The following THRB variants were observed in gnomAD, a reference collection of about 807,000 sequenced individuals.
THRB encodes thyroid hormone receptor beta.
Under a neutral mutation model 47.8 loss-of-function variants are expected in THRB, and 12 were observed. The ratio of observed to expected loss-of-function variants is 0.25; its 90% confidence interval spans 0.16 to 0.41. The LOEUF (loss-of-function observed/expected upper bound fraction) is 0.41, where lower values mean the gene tolerates loss of function less well. Among genes scored for constraint, THRB ranks in the 10% least tolerant of loss-of-function variants. The pLI is 1.00. For missense variants in THRB, 348 were observed against 589.2 expected (o/e 0.59, Z 4.24); for synonymous variants, 218 against 212.2 (o/e 1.03, Z -0.24).
At chr3:24,372,298 A>G (rs76231036) in intron 1 of THRB, among the ~76,000 whole-genome samples, 35 of 152,236 alleles carry the variant, frequency 2.3e-4, no homozygotes, top group African/African-American at 8.4e-4. Context: ...ATGTTACCAC[A>G]TGCAGAGTTA....
At chr3:24,478,518 T>C (rs1187197315) in intron 1 of THRB, among the ~76,000 whole-genome samples, 1 of 152,016 alleles carries the variant, frequency 6.6e-6, no homozygotes, top group African/African-American at 2.4e-5. Context: ...AAGTGAAAAG[T>C]GGAATTCTCC....
chr3:24,164,117 T>A (rs1479747078), intron 5 of THRB, among the ~76,000 whole-genome samples: 1 of 152,186 alleles, frequency 6.6e-6, no homozygotes, highest in Non-Finnish European at 1.5e-5. Flanking sequence ...TTCTGGCATA[T>A]CTGCACTAGC....
chr3:24,365,274 T>A (rs2064378586), intron 1 of THRB, among the ~76,000 whole-genome samples: 2 of 152,058 alleles, frequency 1.3e-5, no homozygotes, highest in South Asian at 4.1e-4. Flanking sequence ...CTTGGGAGTG[T>A]GCAGGAACAG....
intron 3 of THRB, among the ~76,000 whole-genome samples, chr3:24,267,738 T>G (rs1175719206): frequency 6.6e-6 from 1 of 152,134 alleles, no homozygotes; most frequent in Non-Finnish European, 1.5e-5. Flanking sequence ...TCTTAGTAAT[T>G]TTCATCCACT....
chr3:24,134,886 CTG>C (rs1325915475), intron 8 of THRB, among the ~76,000 whole-genome samples: 8 of 152,276 alleles, frequency 5.3e-5, no homozygotes, highest in African/African-American at 1.9e-4. Context: ...GGAACTGACA[CTG>C]TGAGTGAGAT....
chr3:24,205,179 G>T (rs2045162543), intron 4 of THRB, among the ~76,000 whole-genome samples: 1 of 152,154 alleles, frequency 6.6e-6, no homozygotes, highest in South Asian at 2.1e-4. Context: ...CTTGAGAAGA[G>T]CAACTCCAAG....
chr3:24,209,585 A>G (rs1357929674), intron 4 of THRB, among the ~76,000 whole-genome samples: 1 of 152,178 alleles, frequency 6.6e-6, no homozygotes, highest in African/African-American at 2.4e-5. Flanking sequence ...ACAAAAAACC[A>G]AACACCCCAT....
At chr3:24,209,009 C>G (rs2045717006) in intron 4 of THRB, among the ~76,000 whole-genome samples, 1 of 152,134 alleles carries the variant, frequency 6.6e-6, no homozygotes, top group Non-Finnish European at 1.5e-5. Context: ...ACAACCCCAT[C>G]AAAAAGTGGT....
At chr3:24,453,250 A>T (rs746101765) in intron 1 of THRB, among the ~76,000 whole-genome samples, 22 of 152,256 alleles carry the variant, frequency 1.4e-4, no homozygotes, top group Non-Finnish European at 2.6e-4. Context: ...CTTGTGATGC[A>T]TATACAGCAT....
intron 1 of THRB, among the ~76,000 whole-genome samples, chr3:24,344,686 G>GATAT (rs56725603): frequency 1.9e-4 from 28 of 149,696 alleles, no homozygotes; most frequent in African/African-American, 4.7e-4. Context: ...AATATGTAGG[G>GATAT]ATATATATAT....
At chr3:24,200,744 A>T (rs767687162) in intron 4 of THRB, among the ~76,000 whole-genome samples, 3 of 152,104 alleles carry the variant, frequency 2.0e-5, no homozygotes, top group Admixed American at 6.5e-5. Flanking sequence ...AATCTGGAAA[A>T]GTTTGGTTTT....
intron 3 of THRB, among the ~76,000 whole-genome samples, chr3:24,286,098 C>A (rs1266262551): frequency 1.3e-5 from 2 of 152,158 alleles, no homozygotes; most frequent in Non-Finnish European, 2.9e-5. Flanking sequence ...CAACCATATG[C>A]AAACCAGGAA....
chr3:24,283,196 C>A (rs2054825444), intron 3 of THRB, among the ~76,000 whole-genome samples: 1 of 152,218 alleles, frequency 6.6e-6, no homozygotes, highest in Non-Finnish European at 1.5e-5. Context: ...AAAATACTGG[C>A]AAACCAAATC....
At chr3:24,230,647 C>T (rs180671160) in intron 3 of THRB, among the ~76,000 whole-genome samples, 15 of 152,238 alleles carry the variant, frequency 9.9e-5, no homozygotes, top group Admixed American at 8.5e-4. Flanking sequence ...TCTGTTGCTC[C>T]TCTTAGAAAC....
chr3:24,160,927 T>G (rs1347553704), intron 5 of THRB, among the ~76,000 whole-genome samples: 2 of 152,248 alleles, frequency 1.3e-5, no homozygotes, highest in Admixed American at 1.3e-4. Context: ...ACTCCTACTG[T>G]TAGCTTTCAT....
chr3:24,216,076 G>C (rs2046533317), intron 4 of THRB, among the ~76,000 whole-genome samples: 1 of 152,170 alleles, frequency 6.6e-6, no homozygotes. Flanking sequence ...ATTCCAAATA[G>C]CTTGGCTATC....
intron 3 of THRB, among the ~76,000 whole-genome samples, chr3:24,291,225 AGCAG>A (rs1246052346): frequency 1.3e-5 from 2 of 152,224 alleles, no homozygotes; most frequent in African/African-American, 4.8e-5. Flanking sequence ...CCTATGATGC[AGCAG>A]TTTAAAGACT....
chr3:24,191,861 T>A (rs1270230494), intron 4 of THRB, among the ~76,000 whole-genome samples: 3 of 152,228 alleles, frequency 2.0e-5, no homozygotes, highest in Non-Finnish European at 4.4e-5. Flanking sequence ...TAAATGGAAA[T>A]GCTGTGGCTT....
intron 1 of THRB, among the ~76,000 whole-genome samples, chr3:24,350,916 T>C (rs2063321070): frequency 6.6e-6 from 1 of 152,168 alleles, no homozygotes; most frequent in African/African-American, 2.4e-5. Context: ...TGATGGGACC[T>C]ACAGCTTACA....
Sources: gnomAD v4.1 joint callset for allele counts (sites outside exome capture counted in the v4.1 genomes callset) on GRCh38, gnomAD v4.1.1 for gene constraint, MANE v1.5 for transcripts, NCBI Gene and HGNC (gene_info 2026-07-23, HGNC 2026-07-21) for gene names.